CAMKMT: variants seen among roughly 807,000 people sequenced by gnomAD.
The protein encoded by CAMKMT is calmodulin-lysine N-methyltransferase, also known as CaM KMT.
In CAMKMT, 53 loss-of-function variants were observed where a neutral mutation model predicts 48.0. That is an observed-to-expected ratio of 1.10 (90% CI 0.89 to 1.39). The LOEUF (loss-of-function observed/expected upper bound fraction) is 1.39. CAMKMT is among the 40% of genes most tolerant of loss of function. CAMKMT has a pLI of 0.00. For missense variants in CAMKMT, 428 were observed against 402.7 expected, an observed-to-expected ratio of 1.06 and a Z score of -0.54; for synonymous variants, 165 against 152.3, an observed-to-expected ratio of 1.08 and a Z score of -0.61.
At chr2:44,592,737 T>A (rs10179362) in intron 3 of CAMKMT, among the ~76,000 whole-genome samples, 94,179 of 151,978 alleles carry the variant, frequency 0.62, 29,700 homozygotes, top group Admixed American at 0.7. Flanking sequence ...GGACCTTGGC[T>A]TGTATCCCCC....
At chr2:44,509,003 G>A (rs1194288105) in intron 3 of CAMKMT, among the ~76,000 whole-genome samples, 1 of 151,846 alleles carries the variant, frequency 6.6e-6, no homozygotes, top group Admixed American at 6.6e-5. Context: ...GGCTGAGACA[G>A]GAGAATTGCT....
intron 9 of CAMKMT, among the ~76,000 whole-genome samples, chr2:44,763,261 G>T (rs900960862): frequency 2.6e-5 from 4 of 152,180 alleles, no homozygotes; most frequent in Admixed American, 2.0e-4. Flanking sequence ...TAAAACTACT[G>T]CCCAGTCTTT....
intron 2 of CAMKMT, among the ~76,000 whole-genome samples, chr2:44,380,642 C>A (rs899643813): frequency 6.6e-6 from 1 of 152,270 alleles, no homozygotes; most frequent in South Asian, 2.1e-4. Flanking sequence ...ATATTGATAG[C>A]AGTTTTCCTA....
intron 8 of CAMKMT, among the ~76,000 whole-genome samples, chr2:44,752,236 G>A (rs1680182950): frequency 6.6e-6 from 1 of 151,174 alleles, no homozygotes; most frequent in African/African-American, 2.4e-5. Flanking sequence ...TAGTTACTAT[G>A]TTGGTGCAAA....
At chr2:44,677,707 T>TAAA (rs70937929) in intron 3 of CAMKMT, among the ~76,000 whole-genome samples, 2 of 147,504 alleles carry the variant, frequency 1.4e-5, no homozygotes, top group Admixed American at 6.8e-5. Flanking sequence ...AGACTCCGTC[T>TAAA]AAAAAAAAAA....
At chr2:44,577,454 A>G (rs1669284396) in intron 3 of CAMKMT, among the ~76,000 whole-genome samples, 1 of 152,114 alleles carries the variant, frequency 6.6e-6, no homozygotes, top group South Asian at 2.1e-4. Flanking sequence ...CCCCATCTCT[A>G]CAAAAAATAT....
At position 44,696,225 on chromosome 2, in the gene CAMKMT, G is replaced by A. The variant is rs144955440; in HGVS notation, c.377-8058G>A. 3.0e-4 allele frequency among the ~76,000 whole-genome samples: 45 copies of A among 152,332 alleles called. No homozygotes were observed. The East Asian group carries it at 7.9e-3, about 27-fold the overall frequency. On this transcript the variant is annotated intron_variant, in intron 3 of 10. Transcript: ENST00000378494. ...CCCAAAGTGCTGGGATTACAGGCGT[G>A]AGCCACTGTGCCCGGCCAAAAATGT...
At chr2:44,546,997 G>A (rs1471524470) in intron 3 of CAMKMT, among the ~76,000 whole-genome samples, 6 of 152,162 alleles carry the variant, frequency 3.9e-5, no homozygotes, top group Admixed American at 6.6e-5. Flanking sequence ...AAGGGTAAGT[G>A]AGTATAAATC....
chr2:44,405,610 G>A (rs955857818), intron 3 of CAMKMT, among the ~76,000 whole-genome samples: 1 of 151,886 alleles, frequency 6.6e-6, no homozygotes, highest in African/African-American at 2.4e-5. Flanking sequence ...TTTCAAGTAT[G>A]TGTTACTTTT....
chr2:44,449,005 G>C (rs908874023), intron 3 of CAMKMT, among the ~76,000 whole-genome samples: 1 of 152,098 alleles, frequency 6.6e-6, no homozygotes, highest in Non-Finnish European at 1.5e-5. Flanking sequence ...ACGGAATGGG[G>C]TTTCTTTTGG....
intron 7 of CAMKMT, among the ~76,000 whole-genome samples, chr2:44,722,214 A>G (rs1475971500): frequency 5.4e-5 from 6 of 111,038 alleles, no homozygotes; most frequent in Non-Finnish European, 1.1e-4. Flanking sequence ...TAATGCTGCT[A>G]TGAACATTTG....
intron 3 of CAMKMT, among the ~76,000 whole-genome samples, chr2:44,459,113 A>G (rs1212075416): frequency 6.6e-6 from 1 of 152,172 alleles, no homozygotes; most frequent in Non-Finnish European, 1.5e-5. Flanking sequence ...AAAAAAAAAA[A>G]AGATTTAGGA....
intron 3 of CAMKMT, among the ~76,000 whole-genome samples, chr2:44,525,911 G>C (rs1336041860): frequency 6.6e-6 from 1 of 151,900 alleles, no homozygotes; most frequent in African/African-American, 2.4e-5. Flanking sequence ...ACAATGTGCA[G>C]GTTAGTTACA....
At chr2:44,372,341 C>G (rs1485976744) in intron 1 of CAMKMT, among the ~76,000 whole-genome samples, 1 of 151,856 alleles carries the variant, frequency 6.6e-6, no homozygotes, top group East Asian at 1.9e-4. Context: ...AAAAATTAAC[C>G]AGACGTGGTG....
chr2:44,751,167 A>C (rs1209300266), intron 8 of CAMKMT, among the ~76,000 whole-genome samples: 3 of 152,194 alleles, frequency 2.0e-5, no homozygotes, highest in Admixed American at 6.5e-5. Flanking sequence ...GGGAGAGATC[A>C]CTATGGATGC....
chr2:44,565,959 C>T (rs896508058), intron 3 of CAMKMT, among the ~76,000 whole-genome samples: 2 of 152,176 alleles, frequency 1.3e-5, no homozygotes, highest in Admixed American at 1.3e-4. Flanking sequence ...TGTGTAACCG[C>T]ACATGCATGT....
At chr2:44,400,606 T>G (rs1040331489) in intron 3 of CAMKMT, among the ~76,000 whole-genome samples, 6 of 152,036 alleles carry the variant, frequency 3.9e-5, no homozygotes, top group African/African-American at 1.4e-4. Flanking sequence ...TACTTAAAAA[T>G]TCTTTTGGTG....
At chr2:44,521,239 T>C (rs999422859) in intron 3 of CAMKMT, among the ~76,000 whole-genome samples, 1 of 152,170 alleles carries the variant, frequency 6.6e-6, no homozygotes, top group Non-Finnish European at 1.5e-5. Context: ...ACAATTTATC[T>C]CTTTTATTTT....
chr2:44,437,116 C>A (rs992421675), intron 3 of CAMKMT, among the ~76,000 whole-genome samples: 1 of 152,156 alleles, frequency 6.6e-6, no homozygotes, highest in East Asian at 1.9e-4. Flanking sequence ...ATATTGCAGA[C>A]TGTTACTTCC....
Sources: gnomAD v4.1 joint callset for allele counts (sites outside exome capture counted in the v4.1 genomes callset) on GRCh38, gnomAD v4.1.1 for gene constraint, MANE v1.5 for transcripts, NCBI Gene and HGNC (gene_info 2026-07-23, HGNC 2026-07-21) for gene names.